Variants in NELL1 observed in about 807,000 individuals in gnomAD.
NELL1 encodes the protein neural EGFL like 1.
A neutral mutation model predicts 107.4 loss-of-function variants in NELL1; 76 were observed. The ratio of observed to expected loss-of-function variants is 0.71; its 90% CI spans 0.59 to 0.86. The LOEUF is 0.86. Among genes scored for constraint, NELL1 ranks in the 40% least tolerant of loss-of-function variants. The pLI is 0.00. For missense variants in NELL1, 1,024 were observed against 1,005.5 expected, an observed-to-expected ratio of 1.02 and a Z score of -0.25; for synonymous variants, 353 against 341.2, an observed-to-expected ratio of 1.03 and a Z score of -0.38.
chr11:20,960,470 A>T lies in NELL1; in HGVS notation c.1210A>T (p.Asn404Tyr). The change falls in exon 12 of 20, where the codon AAC becomes TAC. Residue 404 changes from asparagine (N) to tyrosine (Y), a missense_variant. Transcript: ENST00000357134. The stretch of plus-strand genomic sequence containing the variant: ...TGCAGAAGGACCTAAATGTGGTGAA[A>T]ACTCAGAGTGCAAAAACTGGAATAC... ...FCAEGPKCGE[N>Y]SECKNWNTKA... is the part of the protein sequence containing the mutation. 1 of 1,613,970 alleles carries T rather than the reference A, an allele frequency of 6.2e-7. No individual in the cohort carries two copies. Among genetic ancestry groups the T allele is most frequent in the Non-Finnish European group, 8.5e-7 (1 of 1,179,896 alleles).
At chr11:21,405,030 C>A (rs930418300) in intron 15 of NELL1, among the ~76,000 whole-genome samples, 26 of 152,002 alleles carry the variant, frequency 1.7e-4, no homozygotes, top group African/African-American at 5.6e-4. Context: ...GGCAAGTAAG[C>A]CTGTGTTTGA....
At chr11:21,109,164 G>T (rs1339940254) in intron 12 of NELL1, among the ~76,000 whole-genome samples, 1 of 152,046 alleles carries the variant, frequency 6.6e-6, no homozygotes. Flanking sequence ...TAAATGGAAG[G>T]ATGAGATGCT....
At chr11:20,774,574 A>G (rs1191934719) in intron 2 of NELL1, among the ~76,000 whole-genome samples, 1 of 151,992 alleles carries the variant, frequency 6.6e-6, no homozygotes, top group Non-Finnish European at 1.5e-5. Context: ...AGCAGGATCC[A>G]TTCACTTTTG....
At chr11:21,475,945 G>A (rs557495805) in intron 15 of NELL1, among the ~76,000 whole-genome samples, 1 of 152,126 alleles carries the variant, frequency 6.6e-6, no homozygotes, top group Admixed American at 6.6e-5. Flanking sequence ...TACTTTCTTA[G>A]TACTTCTATT....
intron 14 of NELL1, among the ~76,000 whole-genome samples, chr11:21,352,850 G>C (rs1850848448): frequency 6.6e-6 from 1 of 152,148 alleles, no homozygotes; most frequent in Non-Finnish European, 1.5e-5. Context: ...CTTCTCTCCT[G>C]TGTACTCTGC....
intron 10 of NELL1, among the ~76,000 whole-genome samples, chr11:20,940,156 G>A (rs1027338982): frequency 1.3e-5 from 2 of 151,694 alleles, no homozygotes; most frequent in Non-Finnish European, 2.9e-5. Context: ...TGGTGTGCTC[G>A]CTCTCTCTCT....
intron 2 of NELL1, among the ~76,000 whole-genome samples, chr11:20,679,211 A>G (rs1325439212): frequency 6.6e-6 from 1 of 152,064 alleles, no homozygotes; most frequent in Non-Finnish European, 1.5e-5. Context: ...TTTAAGTATT[A>G]CTCTTGCCCA....
At chr11:21,080,862 A>G (rs1361037459) in intron 12 of NELL1, among the ~76,000 whole-genome samples, 1 of 151,936 alleles carries the variant, frequency 6.6e-6, no homozygotes, top group Non-Finnish European at 1.5e-5. Context: ...GTTGGATTAT[A>G]TGATCTTTGC....
At chr11:21,146,932 C>T (rs949180749) in intron 13 of NELL1, among the ~76,000 whole-genome samples, 1 of 152,040 alleles carries the variant, frequency 6.6e-6, no homozygotes, top group African/African-American at 2.4e-5. Context: ...TAGTCCCAGC[C>T]ACTTGGGAGG....
At chr11:21,103,971 C>T (rs897888483) in intron 12 of NELL1, among the ~76,000 whole-genome samples, 1 of 152,180 alleles carries the variant, frequency 6.6e-6, no homozygotes, top group South Asian at 2.1e-4. Flanking sequence ...ATCCCACTGA[C>T]ATTTGGAAAC....
chr11:21,070,215 C>T (rs16907401), intron 12 of NELL1, among the ~76,000 whole-genome samples: 4,340 of 151,846 alleles, frequency 0.029, 189 homozygotes, highest in African/African-American at 0.098. Flanking sequence ...GAGAAGAAAA[C>T]TCAAAGGCAG....
At chr11:20,696,492 A>G (rs1854620873) in intron 2 of NELL1, among the ~76,000 whole-genome samples, 2 of 152,068 alleles carry the variant, frequency 1.3e-5, no homozygotes, top group South Asian at 4.2e-4. Context: ...CTGCAGAGGG[A>G]TATATTTAAC....
At chr11:20,952,038 T>C (rs906177097) in intron 11 of NELL1, among the ~76,000 whole-genome samples, 2 of 132,062 alleles carry the variant, frequency 1.5e-5, no homozygotes, top group African/African-American at 5.7e-5. Flanking sequence ...GAATTTCTGG[T>C]GCTCTCAGTT....
At chr11:21,069,152 AG>A (rs1308232489) in intron 12 of NELL1, among the ~76,000 whole-genome samples, 1 of 152,226 alleles carries the variant, frequency 6.6e-6, no homozygotes, top group Non-Finnish European at 1.5e-5. Flanking sequence ...ATTTGGACAC[AG>A]GAAGAATAGC....
At chr11:20,823,142 T>C (rs1857797308) in intron 3 of NELL1, among the ~76,000 whole-genome samples, 1 of 151,322 alleles carries the variant, frequency 6.6e-6, no homozygotes, top group Non-Finnish European at 1.5e-5. Context: ...AGAAAGAAGT[T>C]TAATTGGACT....
At chr11:21,285,145 T>G (rs1323778107) in intron 14 of NELL1, among the ~76,000 whole-genome samples, 1 of 152,202 alleles carries the variant, frequency 6.6e-6, no homozygotes, top group East Asian at 1.9e-4. Flanking sequence ...CCCATTAAAT[T>G]GAAATGCCAT....
intron 11 of NELL1, among the ~76,000 whole-genome samples, chr11:20,948,326 T>A (rs1202814091): frequency 1.3e-5 from 2 of 151,978 alleles, no homozygotes; most frequent in Non-Finnish European, 2.9e-5. Flanking sequence ...GTGTTGGGAG[T>A]ACAGGCATGA....
At chr11:20,854,569 T>A (rs903604638) in intron 4 of NELL1, among the ~76,000 whole-genome samples, 1 of 152,206 alleles carries the variant, frequency 6.6e-6, no homozygotes, top group Non-Finnish European at 1.5e-5. Context: ...GGATGCTCAC[T>A]CTCTCTTTTT....
chr11:21,535,331 G>GGGCCAAGCATTCT (rs1424137282), intron 16 of NELL1, among the ~76,000 whole-genome samples: 1 of 152,090 alleles, frequency 6.6e-6, no homozygotes, highest in African/African-American at 2.4e-5. Flanking sequence ...ACCAACCTAG[G>GGGCCAAGCATTCT]GGCCAAGCAT....
Sources: allele counts gnomAD v4.1 joint callset (sites outside exome capture counted in the v4.1 genomes callset), GRCh38; gene constraint gnomAD v4.1.1; transcripts MANE v1.5; gene names NCBI Gene and HGNC (gene_info 2026-07-23, HGNC 2026-07-21).